The following ANTXR2 variants were observed in gnomAD, a reference collection of about 807,000 sequenced individuals.
ANTXR2 encodes the protein anthrax toxin receptor 2.
Under a neutral mutation model 73.7 loss-of-function variants are expected in ANTXR2, and 44 were observed. The observed-to-expected ratio is 0.60, with a 90% confidence interval of 0.47 to 0.77. ANTXR2 has a LOEUF of 0.77. Ranked by LOEUF, ANTXR2 falls within the 30% of genes least tolerant of loss-of-function variation. ANTXR2 has a pLI of 0.00. For missense variants in ANTXR2, 604 were observed against 592.5 expected (o/e 1.02, Z -0.20); for synonymous variants, 217 against 205.9 (o/e 1.05, Z -0.46).
intron 3 of ANTXR2, among the ~76,000 whole-genome samples, chr4:80,061,996 A>G (rs1734283712): frequency 6.6e-6 from 1 of 152,214 alleles, no homozygotes; most frequent in Non-Finnish European, 1.5e-5. Context: ...GTTTCAAATG[A>G]GTGAAAGATT....
chr4:80,024,711 A>C (rs1732343621), intron 10 of ANTXR2: 3 of 453,492 alleles, frequency 6.6e-6, no homozygotes, highest in African/African-American at 6.0e-5. Context: ...ACAGTGAGTC[A>C]GATCATGCCA....
At chr4:80,001,108 G>A (rs1241328496) in intron 12 of ANTXR2, among the ~76,000 whole-genome samples, 1 of 152,050 alleles carries the variant, frequency 6.6e-6, no homozygotes, top group African/African-American at 2.4e-5. Context: ...TTACAAAACA[G>A]AGGGGTTATT....
intron 16 of ANTXR2, among the ~76,000 whole-genome samples, chr4:79,913,987 G>GTATATATAGA (rs901891814): frequency 1.3e-5 from 2 of 152,120 alleles, no homozygotes; most frequent in African/African-American, 2.4e-5. Context: ...TAAACTATCT[G>GTATATATAGA]TATATATAGA....
chr4:79,982,919 A>T (rs893908187), intron 14 of ANTXR2, among the ~76,000 whole-genome samples: 1 of 152,126 alleles, frequency 6.6e-6, no homozygotes. Context: ...AGTAAAATTT[A>T]TTCTGAAAAG....
intron 8 of ANTXR2, among the ~76,000 whole-genome samples, chr4:80,034,800 A>G (rs936010366): frequency 1.3e-5 from 2 of 152,192 alleles, no homozygotes; most frequent in African/African-American, 2.4e-5. Flanking sequence ...CATATCTAAC[A>G]TAATACAAGT....
chr4:80,009,110 A>G (rs916418048), intron 11 of ANTXR2, among the ~76,000 whole-genome samples: 1 of 152,218 alleles, frequency 6.6e-6, no homozygotes, highest in Non-Finnish European at 1.5e-5. Flanking sequence ...GGGAAATGGT[A>G]TATACACATC....
At chr4:80,052,789 T>C (rs939808756) in intron 7 of ANTXR2, among the ~76,000 whole-genome samples, 1 of 151,644 alleles carries the variant, frequency 6.6e-6, no homozygotes, top group Non-Finnish European at 1.5e-5. Flanking sequence ...GAAGTTACAT[T>C]CTAGAGGTTC....
In ANTXR2 at chr4:79,929,369, C is replaced by T. The variant is rs186980860; in HGVS notation, c.1429-21902G>A. 4.8e-3 allele frequency among the ~76,000 whole-genome samples: 732 copies of T among 152,018 alleles called. 5 individuals carry two copies. Among genetic ancestry groups the T allele is most frequent in the African/African-American group, 0.017 (686 of 41,448 alleles). On this transcript the variant is annotated intron_variant, in intron 16 of 16. Transcript: ENST00000403729. ...CTCTACTAAAAATATAAAAATTAGC[C>T]GGGCGTGGTGGCAGATGCCTGTAAT...
At chr4:80,038,195 GGAAT>G (rs1277020743) in intron 7 of ANTXR2, among the ~76,000 whole-genome samples, 1 of 152,006 alleles carries the variant, frequency 6.6e-6, no homozygotes, top group Admixed American at 6.6e-5. Context: ...ACATGCATCC[GGAAT>G]GACTTCAGTG....
At chr4:79,914,347 T>C (rs952465732) in intron 16 of ANTXR2, among the ~76,000 whole-genome samples, 2 of 152,170 alleles carry the variant, frequency 1.3e-5, no homozygotes, top group African/African-American at 4.8e-5. Context: ...GTTATAACCA[T>C]ATCTTGACTT....
intron 2 of ANTXR2, among the ~76,000 whole-genome samples, chr4:80,070,357 T>A (rs1734732311): frequency 6.6e-6 from 1 of 152,356 alleles, no homozygotes; most frequent in Non-Finnish European, 1.5e-5. Context: ...AAAAACCAGA[T>A]CAATGAGTTA....
chr4:79,974,465 C>A (rs1729548774), intron 16 of ANTXR2, among the ~76,000 whole-genome samples: 1 of 152,064 alleles, frequency 6.6e-6, no homozygotes, highest in Non-Finnish European at 1.5e-5. Context: ...GTTAACCTCA[C>A]ATAATAAAAG....
At chr4:80,021,831 T>C (rs1180007349) in intron 10 of ANTXR2, among the ~76,000 whole-genome samples, 4 of 152,080 alleles carry the variant, frequency 2.6e-5, no homozygotes, top group Non-Finnish European at 5.9e-5. Context: ...ATATATGATG[T>C]ATGGAACTGA....
At chr4:79,989,934 C>T (rs1358904745) in intron 12 of ANTXR2, among the ~76,000 whole-genome samples, 1 of 151,802 alleles carries the variant, frequency 6.6e-6, no homozygotes, top group African/African-American at 2.4e-5. Flanking sequence ...ATTCCACATC[C>T]CTTCATGTTA....
At chr4:80,031,521 A>ATTC in intron 10 of ANTXR2, 102 bp downstream of exon 10, 1 of 932,356 alleles carries the variant, frequency 1.1e-6, no homozygotes, top group East Asian at 3.3e-5. Context: ...AATGCTCTGT[A>ATTC]TATCAAAAAA....
intron 16 of ANTXR2, among the ~76,000 whole-genome samples, chr4:79,920,155 AG>A (rs1332033865): frequency 1.3e-5 from 2 of 151,824 alleles, no homozygotes; most frequent in Non-Finnish European, 2.9e-5. Flanking sequence ...TAGCACCCCT[AG>A]TACTCAAAAT....
chr4:79,977,601 A>G lies in ANTXR2; in HGVS notation c.1428+20T>C, dbSNP rs753950824. The stretch of plus-strand genomic sequence containing the variant: ...GACTCAAGCAGTTAGCTCTTTCTCA[A>G]TACATTCCCATATACAAACCTCATC... On this transcript the variant is annotated intron_variant, in intron 16 of 16. Coordinates refer to ENST00000403729, the MANE Select transcript of ANTXR2 (RefSeq NM_058172.6). 6.4e-6 allele frequency: 10 copies of G among 1,562,118 alleles called. No homozygotes were observed. In the South Asian group the frequency reaches 7.1e-5, roughly 11 times the overall value.
chr4:80,067,961 C>A (rs1446792267), intron 3 of ANTXR2, among the ~76,000 whole-genome samples: 2 of 152,024 alleles, frequency 1.3e-5, no homozygotes, highest in Admixed American at 6.5e-5. Flanking sequence ...GCATGCCCTG[C>A]ACATGTATCC....
chr4:80,017,056 G>A (rs534076946), intron 11 of ANTXR2, among the ~76,000 whole-genome samples: 1 of 152,328 alleles, frequency 6.6e-6, no homozygotes, highest in African/African-American at 2.4e-5. Flanking sequence ...TCAAAACAGT[G>A]AATCAAATCA....
Sources: gnomAD v4.1 joint callset for allele counts (sites outside exome capture counted in the v4.1 genomes callset) on GRCh38, gnomAD v4.1.1 for gene constraint, MANE v1.5 for transcripts, NCBI Gene and HGNC (gene_info 2026-07-23, HGNC 2026-07-21) for gene names.